LAMA2: variants seen among roughly 807,000 people sequenced by gnomAD.
LAMA2 encodes laminin subunit alpha 2.
Under a neutral mutation model 364.8 loss-of-function variants are expected in LAMA2, and 269 were observed. That is an observed-to-expected ratio of 0.74 (90% CI 0.67 to 0.82). The LOEUF (loss-of-function observed/expected upper bound fraction) is 0.82, where lower values mean the gene tolerates loss of function less well. Ranked by LOEUF, LAMA2 falls within the 40% of genes least tolerant of loss-of-function variation. The pLI is 0.00. For synonymous variants in LAMA2, 1,379 were observed against 1,370.6 expected (o/e 1.01, Z -0.14); for missense variants, 3,807 against 3,873.2 (o/e 0.98, Z 0.45).
intron 8 of LAMA2, among the ~76,000 whole-genome samples, chr6:129,164,493 T>C (rs1779624023): frequency 1.3e-5 from 2 of 152,204 alleles, no homozygotes; most frequent in African/African-American, 4.8e-5. Flanking sequence ...AGACACTGGT[T>C]TCTGTTATGT....
intron 28 of LAMA2, among the ~76,000 whole-genome samples, chr6:129,323,291 AT>A (rs1172468978): frequency 5.9e-5 from 9 of 152,148 alleles, no homozygotes; most frequent in Middle Eastern, 3.2e-3. Flanking sequence ...CCTCTACAAT[AT>A]TTTTACAAAA....
rs921740035 is a variant in LAMA2, at chr6:129,265,655, G to A, written c.2209-1451G>A. On this transcript the variant is annotated intron_variant, in intron 15 of 64. Transcript: ENST00000421865. Reference sequence around the variant, plus strand: ...TTGACAATTTTGGGTTGGTTGTGGGGGTTGAAAAATGAGAACACATGGACA... The same window carrying A: ...TTGACAATTTTGGGTTGGTTGTGGGAGTTGAAAAATGAGAACACATGGACA... Among the ~76,000 whole-genome samples the A allele has an allele frequency of 6.6e-5, 10 of 151,730 alleles. No homozygotes were observed. The South Asian group carries it at 1.7e-3, about 25-fold the overall frequency.
At chr6:129,150,781 C>T (rs910522555) in intron 7 of LAMA2, among the ~76,000 whole-genome samples, 10 of 152,146 alleles carry the variant, frequency 6.6e-5, no homozygotes, top group Admixed American at 4.6e-4. Context: ...ATCACACTTT[C>T]AGCAATGAGT....
At position 129,445,716 on chromosome 6, in the gene LAMA2, G is replaced by A; in HGVS notation, c.6324G>A (p.Arg2108=). 1.2e-6 allele frequency: 2 copies of A among 1,613,854 alleles called. No individual in the cohort carries two copies. The highest frequency in any genetic ancestry group is 1.7e-6 in the Non-Finnish European group (2 of 1,179,852). ...TVKNLEQEAD[R]LIDKLKPIKE... The stretch of plus-strand genomic sequence containing the variant: ...AAAATTTAGAACAGGAAGCTGACCG[G>A]CTAATAGATAAACTCAAACCCATCA... The change falls in exon 45 of 65, where the codon CGG becomes CGA. Residue 2108 remains arginine, a synonymous_variant. Transcript: ENST00000421865.
chr6:129,225,933 G>T (rs559404851), intron 12 of LAMA2, among the ~76,000 whole-genome samples: 52 of 152,254 alleles, frequency 3.4e-4, no homozygotes, highest in African/African-American at 1.3e-3. Context: ...TGACAGTGGG[G>T]TGTTAAAGTC....
intron 1 of LAMA2, among the ~76,000 whole-genome samples, chr6:129,023,396 C>T (rs992334042): frequency 6.6e-6 from 1 of 152,134 alleles, no homozygotes; most frequent in African/African-American, 2.4e-5. Flanking sequence ...GTTCTGAATT[C>T]CATTCTGCTC....
At chr6:129,263,619 A>G (rs1434882721) in intron 15 of LAMA2, among the ~76,000 whole-genome samples, 1 of 151,090 alleles carries the variant, frequency 6.6e-6, no homozygotes, top group South Asian at 2.1e-4. Flanking sequence ...AAGCAAGGCC[A>G]TGAGGAGATT....
intron 28 of LAMA2, among the ~76,000 whole-genome samples, chr6:129,324,783 A>G (rs1775174529): frequency 6.6e-6 from 1 of 152,206 alleles, no homozygotes; most frequent in South Asian, 2.1e-4. Context: ...GTACATTAAA[A>G]ATATAGTTTT....
chr6:128,891,735 A>G (rs1236015100), intron 1 of LAMA2, among the ~76,000 whole-genome samples: 1 of 152,096 alleles, frequency 6.6e-6, no homozygotes, highest in Non-Finnish European at 1.5e-5. Flanking sequence ...ATTTGCTTAT[A>G]TACTTAAACA....
Position 129,078,114 on chromosome 6 carries a change from C to A in LAMA2, c.396+18218C>A, listed in dbSNP as rs1020966037. ...GTTATATGTTTATGGGGGCAGTGAGCGTATGGGAAATCTCTGTATTTTTTT... is the reference window on the plus strand; with the variant it reads ...GTTATATGTTTATGGGGGCAGTGAGAGTATGGGAAATCTCTGTATTTTTTT... On this transcript the variant is annotated intron_variant, in intron 3 of 64. Transcript: ENST00000421865. Among the ~76,000 whole-genome samples the A allele has an allele frequency of 2.8e-5, 4 of 144,226 alleles. No individual in the cohort carries two copies. In the East Asian group the frequency reaches 8.3e-4, roughly 30 times the overall value. 94.6% of individuals were successfully genotyped at this position (144,226 alleles called of 152,430 possible). A position where few individuals can be genotyped will look rare whatever the true frequency, so the allele number is the denominator to read the frequency against.
intron 12 of LAMA2, among the ~76,000 whole-genome samples, chr6:129,202,169 C>T (rs888374828): frequency 6.5e-5 from 7 of 107,354 alleles, no homozygotes; most frequent in South Asian, 3.0e-4. Flanking sequence ...GCCTAAGCAA[C>T]AGAGCGAGAG....
chr6:128,963,700 G>A (rs2114601421), intron 1 of LAMA2, among the ~76,000 whole-genome samples: 1 of 152,086 alleles, frequency 6.6e-6, no homozygotes, highest in Admixed American at 6.5e-5. Flanking sequence ...CATCATTTTG[G>A]CCTTTCATGT....
At chr6:129,452,889 T>C in intron 45 of LAMA2, 99 bp from the exon 46 acceptor site, 3 of 1,061,020 alleles carry the variant, frequency 2.8e-6, no homozygotes, top group Non-Finnish European at 4.3e-6. Context: ...GAAAATAACT[T>C]CAAAGAAGAA....
chr6:129,170,966 A>G (rs1490479316), intron 9 of LAMA2, among the ~76,000 whole-genome samples: 21 of 150,964 alleles, frequency 1.4e-4, no homozygotes, highest in Admixed American at 1.3e-3. Context: ...GTTGGTTTAA[A>G]GTCTGTTTTA....
rs970836294 is a variant in LAMA2 at position 128,883,776 on chromosome 6, C to CA, written c.112+428dup. ...ACTTTATGGAGGGTAGCTGATGCAT[C>CA]AAAAAAAAATTATATATATATATAT... On this transcript the variant is annotated intron_variant, in intron 1 of 64. Coordinates refer to ENST00000421865, the MANE Select transcript of LAMA2 (RefSeq NM_000426.4). Among the ~76,000 whole-genome samples, 8 of 134,250 alleles carry CA rather than the reference C, an allele frequency of 6.0e-5. No homozygotes were observed. The East Asian group carries it at 6.5e-4, about 11-fold the overall frequency. The allele number at this position is 134,250 out of a possible 152,430, so 88.1% of individuals were successfully genotyped here.
intron 16 of LAMA2, among the ~76,000 whole-genome samples, chr6:129,270,093 A>G (rs1465922971): frequency 6.6e-6 from 1 of 152,120 alleles, no homozygotes; most frequent in Non-Finnish European, 1.5e-5. Context: ...TGTCCAAACC[A>G]TCAGAGTCCA....
At chr6:128,910,638 G>A (rs921036483) in intron 1 of LAMA2, among the ~76,000 whole-genome samples, 1 of 151,994 alleles carries the variant, frequency 6.6e-6, no homozygotes, top group African/African-American at 2.4e-5. Flanking sequence ...CTCTCAGCTC[G>A]TCAAAGTCGT....
chr6:128,889,506 A>C (rs1776326048), intron 1 of LAMA2, among the ~76,000 whole-genome samples: 1 of 152,126 alleles, frequency 6.6e-6, no homozygotes, highest in Non-Finnish European at 1.5e-5. Flanking sequence ...TTTAGAACAA[A>C]AAAGGTAAAA....
At chr6:129,019,454 T>A (rs576837637) in intron 1 of LAMA2, among the ~76,000 whole-genome samples, 43 of 151,928 alleles carry the variant, frequency 2.8e-4, no homozygotes, top group Middle Eastern at 3.4e-3. Context: ...ATTTTCAGTA[T>A]TTTTTTGTTT....
Sources: allele counts gnomAD v4.1 joint callset (sites outside exome capture counted in the v4.1 genomes callset), GRCh38; gene constraint gnomAD v4.1.1; transcripts MANE v1.5; gene names NCBI Gene and HGNC (gene_info 2026-07-23, HGNC 2026-07-21).